C8orf89: variants seen among roughly 807,000 people sequenced by gnomAD.
The protein encoded by C8orf89 is putative uncharacterized protein C8orf89.
A neutral mutation model predicts 15.8 loss-of-function variants in C8orf89; 14 were observed. That is an observed-to-expected ratio of 0.89 (90% CI 0.59 to 1.39). The LOEUF (loss-of-function observed/expected upper bound fraction) is 1.39. C8orf89 is among the 40% of genes most tolerant of loss of function. The pLI is 0.00. For missense variants in C8orf89, 181 were observed against 184.5 expected (o/e 0.98, Z 0.11); for synonymous variants, 55 against 62.2 (o/e 0.88, Z 0.54).
upstream of C8orf89, among the ~76,000 whole-genome samples, chr8:73,262,434 T>TA (rs1813546056): frequency 1.3e-5 from 2 of 152,290 alleles, no homozygotes; most frequent in Admixed American, 1.3e-4. Flanking sequence ...TAGTAAAAGT[T>TA]CACATGATAA....
rs183049268 is a variant in C8orf89 at position 73,259,397 on chromosome 8, C to T, written c.62G>A (p.Gly21Asp). 6.5e-7 allele frequency: 1 copy of T among 1,532,224 alleles called. No individual in the cohort carries two copies. Among genetic ancestry groups the T allele is most frequent in the East Asian group, 2.5e-5 (1 of 40,814 alleles). 94.9% of individuals were successfully genotyped at this position (1,532,224 alleles called of 1,614,324 possible). Reference sequence around the variant, plus strand: ...ACTACTCTCAAAAATCAAACAACTGCCAAAGGAACTTCTGGTGAATTTAGA... The same window carrying T: ...ACTACTCTCAAAAATCAAACAACTGTCAAAGGAACTTCTGGTGAATTTAGA... ...ETSKFTRSSF[G>D]SCLIFESSWK... The change falls in exon 1 of 4, where the codon GGC (glycine) becomes GAC (aspartate). Residue 21 changes from glycine to aspartate, a missense_variant. Gly to Asp is a moderately conservative substitution (Grantham distance 94). Coordinates refer to ENST00000624510, the MANE Select transcript of C8orf89 (RefSeq NM_001243237.3).
At chr8:73,278,730 A>G in the C8orf89 span, among the ~76,000 whole-genome samples, 2 of 152,196 alleles carry the variant, frequency 1.3e-5, no homozygotes, top group Non-Finnish European at 2.9e-5. Flanking sequence ...TATATCTATT[A>G]TTCTCTAAGT....
the C8orf89 span, among the ~76,000 whole-genome samples, chr8:73,283,642 AT>A: frequency 6.6e-6 from 1 of 152,212 alleles, no homozygotes; most frequent in South Asian, 2.1e-4. Flanking sequence ...ATCATTCAAG[AT>A]TCTTAAAGGC....
intron 1 of C8orf89, among the ~76,000 whole-genome samples, chr8:73,258,223 A>G (rs1385872686): frequency 6.6e-6 from 1 of 152,136 alleles, no homozygotes; most frequent in Non-Finnish European, 1.5e-5. Context: ...CATCCTGGCC[A>G]ACATGGTGAA....
At chr8:73,285,152 C>G in the C8orf89 span, among the ~76,000 whole-genome samples, 531 of 152,156 alleles carry the variant, frequency 3.5e-3, 3 homozygotes, top group Non-Finnish European at 5.7e-3. Context: ...TGGCTGGGTG[C>G]AAGTGTGGGA....
chr8:73,255,375 C>T (rs1289212456), intron 2 of C8orf89, among the ~76,000 whole-genome samples: 17 of 151,144 alleles, frequency 1.1e-4, no homozygotes, highest in Admixed American at 1.1e-3. Flanking sequence ...AAAATGCTCA[C>T]CATCACTGGC....
At chr8:73,242,982 A>T (rs561268310) in intron 3 of C8orf89, among the ~76,000 whole-genome samples, 1 of 152,334 alleles carries the variant, frequency 6.6e-6, no homozygotes, top group East Asian at 1.9e-4. Context: ...CCATAAAAAA[A>T]TGAGATCCTG....
intron 3 of C8orf89, among the ~76,000 whole-genome samples, chr8:73,247,976 G>A (rs563607368): frequency 1.1e-4 from 17 of 152,078 alleles, no homozygotes; most frequent in South Asian, 4.2e-4. Context: ...TTGCTTTTGC[G>A]GCATTGCTTT....
chr8:73,274,691 G>A, the C8orf89 span, among the ~76,000 whole-genome samples: 1 of 152,074 alleles, frequency 6.6e-6, no homozygotes, highest in Non-Finnish European at 1.5e-5. Flanking sequence ...TCATAAATTT[G>A]GTGTGAATCC....
the C8orf89 span, among the ~76,000 whole-genome samples, chr8:73,280,114 A>C: frequency 6.6e-6 from 1 of 152,224 alleles, no homozygotes; most frequent in Non-Finnish European, 1.5e-5. Flanking sequence ...ATAGTAACTG[A>C]ACAGTACTTC....
At chr8:73,257,982 G>T (rs1036976672) in intron 1 of C8orf89, among the ~76,000 whole-genome samples, 2 of 152,062 alleles carry the variant, frequency 1.3e-5, no homozygotes, top group African/African-American at 2.4e-5. Flanking sequence ...AATTAGATTT[G>T]GGGGGTAGAA....
chr8:73,241,885 C>T (rs539640652), intron 3 of C8orf89, among the ~76,000 whole-genome samples: 1 of 152,088 alleles, frequency 6.6e-6, no homozygotes, highest in South Asian at 2.1e-4. Context: ...AAAAGATAGT[C>T]TCATCAATAA....
chr8:73,274,156 T>C, the C8orf89 span, among the ~76,000 whole-genome samples: 93 of 152,194 alleles, frequency 6.1e-4, no homozygotes, highest in African/African-American at 2.1e-3. Flanking sequence ...CAGACCATAT[T>C]TCATCTTTTT....
chr8:73,248,532 GTA>G (rs201848625), intron 3 of C8orf89, among the ~76,000 whole-genome samples: 1,532 of 152,236 alleles, frequency 0.01, 26 homozygotes, highest in African/African-American at 0.035. Flanking sequence ...GCTTTGGGTA[GTA>G]TAGTTATTTT....
upstream of C8orf89, among the ~76,000 whole-genome samples, chr8:73,259,853 CT>C (rs1375940875): frequency 6.6e-6 from 1 of 152,132 alleles, no homozygotes; most frequent in Non-Finnish European, 1.5e-5. Flanking sequence ...ACCCTGCTTA[CT>C]TAATATATTA....
At chr8:73,254,871 G>A (rs1813335072) in intron 2 of C8orf89, among the ~76,000 whole-genome samples, 2 of 152,166 alleles carry the variant, frequency 1.3e-5, no homozygotes, top group Non-Finnish European at 2.9e-5. Context: ...ATGGGGAAAG[G>A]ATTCCCTATT....
At chr8:73,253,049 G>A (rs182852920) in intron 2 of C8orf89, among the ~76,000 whole-genome samples, 1,565 of 152,292 alleles carry the variant, frequency 0.01, 32 homozygotes, top group African/African-American at 0.035. Context: ...AGGCTGAGGC[G>A]GGAGAATTGC....
At chr8:73,278,387 C>A in the C8orf89 span, among the ~76,000 whole-genome samples, 1 of 152,098 alleles carries the variant, frequency 6.6e-6, no homozygotes, top group Non-Finnish European at 1.5e-5. Context: ...AATAAATCCT[C>A]ATTATTTTCT....
intron 3 of C8orf89, among the ~76,000 whole-genome samples, chr8:73,243,045 G>T (rs1813039003): frequency 6.6e-6 from 1 of 152,108 alleles, no homozygotes; most frequent in Admixed American, 6.6e-5. Flanking sequence ...GGTTAAATAA[G>T]CCAGGTACAG....
Sources: allele counts gnomAD v4.1 joint callset (sites outside exome capture counted in the v4.1 genomes callset), GRCh38; gene constraint gnomAD v4.1.1; transcripts MANE v1.5; gene names NCBI Gene and HGNC (gene_info 2026-07-23, HGNC 2026-07-21).